The following CLMN variants were observed in gnomAD, a reference collection of about 807,000 sequenced individuals.
CLMN encodes the protein calmin, also known as calmin (calponin-like, transmembrane).
In CLMN, 57 loss-of-function variants were observed where a neutral mutation model predicts 92.7. The observed-to-expected ratio is 0.61, with a 90% CI of 0.50 to 0.77. CLMN has a LOEUF of 0.77. Ranked by LOEUF, CLMN falls within the 30% of genes least tolerant of loss-of-function variation. The probability of loss-of-function intolerance (pLI) is 0.00; values close to 1 mark genes in which losing one functional copy is unlikely to be tolerated. For missense variants in CLMN, 1,158 were observed against 1,237.5 expected, an observed-to-expected ratio of 0.94 and a Z score of 0.96; for synonymous variants, 466 against 470.6, an observed-to-expected ratio of 0.99 and a Z score of 0.13.
At position 95,203,007 on chromosome 14, in the gene CLMN, G is replaced by A. The variant is rs748061484; in HGVS notation, c.2342C>T (p.Ser781Phe). The A allele has an allele frequency of 1.9e-6, 3 of 1,614,044 alleles. No individual in the cohort carries two copies. ...GCTCTCTCCTGGCACCGAGGAACTG[G>A]AGCTGCTCTGAGAGCCATCGGCCTC... ...EEEADGSQSS[S>F]SSSVPGESLP... is the part of the protein sequence containing the mutation. The change falls in exon 9 of 13, where the codon TCC (serine) becomes TTC (phenylalanine). Residue 781 changes from serine to phenylalanine, a missense_variant. Coordinates refer to ENST00000298912, the MANE Select transcript of CLMN (RefSeq NM_024734.4).
chr14:95,194,072 A>G lies in CLMN; in HGVS notation c.2770-153T>C, dbSNP rs779131459. On this transcript the variant is annotated intron_variant, in intron 11 of 12. Coordinates refer to ENST00000298912, the MANE Select transcript of CLMN (RefSeq NM_024734.4). The surrounding 1 kb of genome is among the most constrained non-coding windows in gnomAD (Gnocchi z 4.0). ...CGTCTAGATCCAAAATCAAAGTGCT[A>G]AACAATATACATTCCTCTACCTCCT... The G allele has an allele frequency of 2.6e-5, 38 of 1,457,532 alleles. No individual in the cohort carries two copies. Among genetic ancestry groups the G allele is most frequent in the Non-Finnish European group, 3.1e-5 (35 of 1,111,608 alleles). 90.3% of individuals were successfully genotyped at this position (1,457,532 alleles called of 1,614,324 possible). A position where few individuals can be genotyped will look rare whatever the true frequency, so the allele number is the denominator to read the frequency against.
At position 95,189,753 on chromosome 14, in the gene CLMN, G is replaced by A. The variant is rs1896519997; in HGVS notation, c.*1811C>T. The A allele has an allele frequency of 1.3e-5, 2 of 152,154 alleles. No homozygotes were observed. Among genetic ancestry groups the A allele is most frequent in the Non-Finnish European group, 2.9e-5 (2 of 68,034 alleles). 9.4% of individuals were successfully genotyped at this position (152,154 alleles called of 1,614,324 possible). ...CCTTTGAGCTTTCATTGATGCCAGGGAGCTCATTAATTAGCTCATTTTCCA... is the reference window on the plus strand; with the variant it reads ...CCTTTGAGCTTTCATTGATGCCAGGAAGCTCATTAATTAGCTCATTTTCCA... On this transcript the variant is annotated 3_prime_UTR_variant, in exon 13 of 13. Transcript: ENST00000298912.
chr14:95,318,608 A>C (rs1901899570), intron 1 of CLMN, among the ~76,000 whole-genome samples: 1 of 152,024 alleles, frequency 6.6e-6, no homozygotes, highest in South Asian at 2.1e-4. Context: ...GGGGGAGGGC[A>C]CCCACAGCCC....
chr14:95,301,488 C>T (rs1326905977), intron 1 of CLMN, among the ~76,000 whole-genome samples: 4 of 145,594 alleles, frequency 2.7e-5, no homozygotes, highest in Non-Finnish European at 1.5e-5. Context: ...ACCCCACACT[C>T]ACACATTGAG....
At chr14:95,200,163 T>C (rs192762096) in intron 9 of CLMN, among the ~76,000 whole-genome samples, 1 of 152,042 alleles carries the variant, frequency 6.6e-6, no homozygotes, top group East Asian at 1.9e-4. Flanking sequence ...TTAGTCCCTC[T>C]ACCCAGAACT....
intron 1 of CLMN, among the ~76,000 whole-genome samples, chr14:95,281,656 A>C (rs1595091680): frequency 6.6e-6 from 1 of 152,338 alleles, no homozygotes; most frequent in Non-Finnish European, 1.5e-5. Flanking sequence ...TAACAACTCC[A>C]TATCAGCTTG....
chr14:95,263,124 A>G (rs1465573881), intron 1 of CLMN, among the ~76,000 whole-genome samples: 8 of 152,232 alleles, frequency 5.3e-5, no homozygotes, highest in Non-Finnish European at 1.2e-4. Flanking sequence ...TAATTTATAA[A>G]GGAAATAAGT....
Position 95,188,267 on chromosome 14 carries a change from A to G in CLMN, c.*3297T>C, listed in dbSNP as rs536683279. Reference sequence around the variant, plus strand: ...GATAGAGACTGAGACCACCAAAATAAAGAGAACTCAGAGAAAATGAGGGCA... The same window carrying G: ...GATAGAGACTGAGACCACCAAAATAGAGAGAACTCAGAGAAAATGAGGGCA... On this transcript the variant is annotated 3_prime_UTR_variant, in exon 13 of 13. Coordinates refer to ENST00000298912, the MANE Select transcript of CLMN (RefSeq NM_024734.4). The G allele has an allele frequency of 6.6e-6, 1 of 152,368 alleles. No individual in the cohort carries two copies. Among genetic ancestry groups the G allele is most frequent in the East Asian group, 1.9e-4 (1 of 5,188 alleles). The allele number at this position is 152,368 out of a possible 1,614,324, so 9.4% of individuals were successfully genotyped here.
chr14:95,202,177 T>C (rs917336853), intron 9 of CLMN, among the ~76,000 whole-genome samples: 1 of 152,226 alleles, frequency 6.6e-6, no homozygotes, highest in Non-Finnish European at 1.5e-5. Flanking sequence ...TCCACAATGG[T>C]TGGACTAATT....
rs143033437 is a variant in CLMN, at chr14:95,196,353, A to G, written c.2708+145T>C. On this transcript the variant is annotated intron_variant, in intron 10 of 12. Coordinates refer to ENST00000298912, the MANE Select transcript of CLMN (RefSeq NM_024734.4). ...AGGGTGGGTCGGGGAACCCAGGTGT[A>G]GAGAATGAGGATTGTGTATGAAGCT... is the stretch of plus-strand genomic sequence containing the variant. The G allele has an allele frequency of 5.6e-4, 453 of 808,094 alleles. 2 individuals carry two copies. In the African/African-American group the frequency reaches 6.7e-3, roughly 12 times the overall value. The allele number at this position is 808,094 out of a possible 1,614,324, so 50.1% of individuals were successfully genotyped here. A position where few individuals can be genotyped will look rare whatever the true frequency, so the allele number is the denominator to read the frequency against.
At chr14:95,230,536 C>T (rs368946469) in intron 1 of CLMN, among the ~76,000 whole-genome samples, 2 of 152,250 alleles carry the variant, frequency 1.3e-5, no homozygotes, top group African/African-American at 2.4e-5. Context: ...CAGTCAGGGT[C>T]GGGGTGGAGT....
intron 1 of CLMN, among the ~76,000 whole-genome samples, chr14:95,241,144 C>G (rs761366664): frequency 2.0e-5 from 3 of 152,008 alleles, no homozygotes; most frequent in Non-Finnish European, 4.4e-5. Context: ...TTAAGCCCAT[C>G]TGTCTTTAAT....
Position 95,196,621 on chromosome 14 carries a change from C to T in CLMN, c.2585G>A (p.Ser862Asn), listed in dbSNP as rs770270169. The change falls in exon 10 of 13, where the codon AGT (serine) becomes AAT (asparagine). Residue 862 changes from serine to asparagine, a missense_variant. Ser to Asn is a conservative substitution (Grantham distance 46). Coordinates refer to ENST00000298912, the MANE Select transcript of CLMN (RefSeq NM_024734.4). ...ATGTTTCCTTTTTTCCTTTTTTTTA[C>T]TACTGATTGATTCTTTCGTTACATT... is the stretch of plus-strand genomic sequence containing the variant. ...EENVTKESIS[S>N]KKKEKRKHVD... The T allele has an allele frequency of 6.2e-7, 1 of 1,613,974 alleles. No individual in the cohort carries two copies. Among genetic ancestry groups the T allele is most frequent in the Non-Finnish European group, 8.5e-7 (1 of 1,179,976 alleles).
intron 1 of CLMN, among the ~76,000 whole-genome samples, chr14:95,244,739 C>A (rs1462873506): frequency 1.3e-5 from 2 of 152,092 alleles, no homozygotes; most frequent in African/African-American, 4.8e-5. Context: ...TGAACCCGTG[C>A]ATCTATGCAG....
intron 1 of CLMN, among the ~76,000 whole-genome samples, chr14:95,242,151 T>G (rs766749089): frequency 6.9e-6 from 1 of 144,524 alleles, no homozygotes; most frequent in African/African-American, 2.8e-5. Flanking sequence ...CTGGGGAAAT[T>G]TGAAAAAAAA....
intron 4 of CLMN, among the ~76,000 whole-genome samples, chr14:95,216,778 C>T (rs1016667241): frequency 5.3e-5 from 8 of 152,238 alleles, no homozygotes; most frequent in Non-Finnish European, 7.3e-5. Flanking sequence ...CAGAATGATG[C>T]TCCTGGTAAA....
rs557613810 is a variant in CLMN at position 95,294,551 on chromosome 14, C to T, written c.82+25160G>A. On this transcript the variant is annotated intron_variant, in intron 1 of 12. Coordinates refer to ENST00000298912, the MANE Select transcript of CLMN (RefSeq NM_024734.4). The surrounding 1 kb of genome is among the most constrained non-coding windows in gnomAD (Gnocchi z 4.2). ...CTCCCCCTCCCTCACCTGTCCCTTC[C>T]GAGTCACATGATCTTGGGAAGTTAC... Among the ~76,000 whole-genome samples the T allele has an allele frequency of 2.6e-5, 4 of 152,326 alleles. No individual in the cohort carries two copies. Among genetic ancestry groups the T allele is most frequent in the South Asian group, 4.1e-4 (2 of 4,828 alleles).
intron 2 of CLMN, 140 bp from the exon 3 acceptor site, chr14:95,223,995 G>A (rs983009358): frequency 3.2e-6 from 2 of 621,192 alleles, no homozygotes; most frequent in Non-Finnish European, 5.5e-6. Context: ...CATCCAAGGA[G>A]GTAGCAGGCC....
intron 1 of CLMN, among the ~76,000 whole-genome samples, chr14:95,286,246 TGAG>T (rs1900336815): frequency 6.6e-6 from 1 of 152,124 alleles, no homozygotes; most frequent in Non-Finnish European, 1.5e-5. Flanking sequence ...TCCTAGACAA[TGAG>T]GTGGGAAGAT....
Sources: allele counts gnomAD v4.1 joint callset (sites outside exome capture counted in the v4.1 genomes callset), GRCh38; gene constraint gnomAD v4.1.1; non-coding constraint Gnocchi (gnomAD v3.1); transcripts MANE v1.5; gene names NCBI Gene and HGNC (gene_info 2026-07-23, HGNC 2026-07-21).